The following UHRF2 variants were observed in gnomAD, a reference collection of about 807,000 sequenced individuals.
UHRF2 encodes E3 ubiquitin-protein ligase UHRF2.
A neutral mutation model predicts 96.8 loss-of-function variants in UHRF2; 23 were observed. The observed-to-expected ratio is 0.24, with a 90% CI of 0.17 to 0.34. The LOEUF is 0.34. UHRF2 is among the 10% of genes least tolerant of loss of function. The probability of loss-of-function intolerance (pLI) is 1.00; values close to 1 mark genes in which losing one functional copy is unlikely to be tolerated. For missense variants in UHRF2, 685 were observed against 981.5 expected, an observed-to-expected ratio of 0.70 and a Z score of 4.04; for synonymous variants, 385 against 332.6, an observed-to-expected ratio of 1.16 and a Z score of -1.72.
rs374989545 is a variant in UHRF2, at chr9:6,502,734, A to G, written c.2164-1859A>G. On this transcript the variant is annotated intron_variant, in intron 14 of 15. Transcript: ENST00000276893. Reference sequence around the variant, plus strand: ...GCTACCTGTAACTCAAAATACCTGTATTAGATATACCCGTATTATAGGAAC... The same window carrying G: ...GCTACCTGTAACTCAAAATACCTGTGTTAGATATACCCGTATTATAGGAAC... Among the ~76,000 whole-genome samples, 8 of 152,350 alleles carry G rather than the reference A, an allele frequency of 5.3e-5. No individual in the cohort carries two copies. The East Asian group carries it at 9.6e-4, about 18-fold the overall frequency.
At chr9:6,490,024 A>G (rs992874878) in intron 9 of UHRF2, among the ~76,000 whole-genome samples, 3 of 152,328 alleles carry the variant, frequency 2.0e-5, no homozygotes, top group Non-Finnish European at 4.4e-5. Context: ...CAGAAATACA[A>G]AAGATGTTAT....
At chr9:6,457,436 A>G (rs930546513) in intron 3 of UHRF2, among the ~76,000 whole-genome samples, 1 of 152,194 alleles carries the variant, frequency 6.6e-6, no homozygotes, top group Non-Finnish European at 1.5e-5. Flanking sequence ...TAAATATACA[A>G]TCATGTCATC....
intron 1 of UHRF2, among the ~76,000 whole-genome samples, chr9:6,420,565 C>T (rs1382762296): frequency 1.3e-5 from 2 of 151,734 alleles, no homozygotes; most frequent in Non-Finnish European, 2.9e-5. Context: ...ATTAGCCGGG[C>T]ATGATGACGG....
At chr9:6,476,035 C>T (rs1483218900) in intron 5 of UHRF2, among the ~76,000 whole-genome samples, 1 of 152,158 alleles carries the variant, frequency 6.6e-6, no homozygotes. Context: ...TCCCCTGTCC[C>T]ACTTCCCTTC....
chr9:6,492,368 A>G (rs1197706973), intron 9 of UHRF2: 1 of 1,213,854 alleles, frequency 8.2e-7, no homozygotes, highest in Non-Finnish European at 1.1e-6. Flanking sequence ...ACTGGTTTTG[A>G]TCAGTTTAAG....
At chr9:6,480,705 T>C (rs1823875044) in intron 6 of UHRF2, among the ~76,000 whole-genome samples, 1 of 152,186 alleles carries the variant, frequency 6.6e-6, no homozygotes, top group African/African-American at 2.4e-5. Flanking sequence ...AGCTTTTCTT[T>C]AGGACAGTTT....
At chr9:6,452,981 G>GT (rs773494150) in intron 3 of UHRF2, among the ~76,000 whole-genome samples, 14 of 152,004 alleles carry the variant, frequency 9.2e-5, no homozygotes, top group East Asian at 1.9e-4. Flanking sequence ...TTCCTTTTCT[G>GT]TTTTTTTGTT....
intron 9 of UHRF2, chr9:6,492,907 T>A (rs1420607724): frequency 6.7e-6 from 1 of 149,614 alleles, no homozygotes; most frequent in African/African-American, 2.5e-5. Flanking sequence ...TTTTTCCAAA[T>A]TTCTTCTTAA....
At chr9:6,418,688 G>A (rs552114550) in intron 1 of UHRF2, among the ~76,000 whole-genome samples, 1 of 152,322 alleles carries the variant, frequency 6.6e-6, no homozygotes, top group Non-Finnish European at 1.5e-5. Flanking sequence ...GAAAGTGATA[G>A]TTGTGGCCTG....
chr9:6,503,782 C>G (rs905207900), intron 14 of UHRF2, among the ~76,000 whole-genome samples: 6 of 151,682 alleles, frequency 4.0e-5, no homozygotes, highest in East Asian at 1.9e-4. Flanking sequence ...TATGTAATGA[C>G]CTTGAGACAC....
chr9:6,500,852 A>G (rs1307601993), intron 14 of UHRF2, 143 bp downstream of exon 14: 2 of 730,508 alleles, frequency 2.7e-6, no homozygotes, highest in East Asian at 2.9e-5. Flanking sequence ...CCTTTCAGAA[A>G]TAATCTGAGG....
chr9:6,497,551 G>A (rs1468581195), intron 11 of UHRF2, among the ~76,000 whole-genome samples, 191 bp downstream of exon 11: 2 of 151,550 alleles, frequency 1.3e-5, no homozygotes, highest in Non-Finnish European at 1.5e-5. Context: ...CTTATTTCGA[G>A]TTCCTAGGGG....
At chr9:6,476,409 T>G (rs1270465396) in intron 5 of UHRF2, among the ~76,000 whole-genome samples, 1 of 152,158 alleles carries the variant, frequency 6.6e-6, no homozygotes, top group Non-Finnish European at 1.5e-5. Flanking sequence ...AGCCTTAGAA[T>G]TATAGTGCTG....
At chr9:6,432,803 A>C (rs1277484461) in intron 2 of UHRF2, among the ~76,000 whole-genome samples, 1 of 150,944 alleles carries the variant, frequency 6.6e-6, no homozygotes, top group Non-Finnish European at 1.5e-5. Flanking sequence ...AGTTGAAGGA[A>C]TTTCTCTTGG....
At chr9:6,483,847 G>A (rs1274508215) in intron 8 of UHRF2, among the ~76,000 whole-genome samples, 3 of 151,936 alleles carry the variant, frequency 2.0e-5, no homozygotes, top group Non-Finnish European at 4.4e-5. Context: ...GCACCACCAC[G>A]CCTGACTAAT....
rs150284414 is a variant in UHRF2, at chr9:6,426,667, C to G, written c.384+5525C>G. Among the ~76,000 whole-genome samples, 483 of 152,264 alleles carry G rather than the reference C, an allele frequency of 3.2e-3. 4 individuals carry two copies. The highest frequency in any genetic ancestry group is 5.4e-3 in the Non-Finnish European group (370 of 68,018). ...GTTTGTAATCGGTATTCTGCCTTCACAGAATTTTTATCACATACTGACTTG... is the reference window on the plus strand; with the variant it reads ...GTTTGTAATCGGTATTCTGCCTTCAGAGAATTTTTATCACATACTGACTTG... On this transcript the variant is annotated intron_variant, in intron 2 of 15. Coordinates refer to ENST00000276893, the MANE Select transcript of UHRF2 (RefSeq NM_152896.3).
chr9:6,505,966 C>G, intron 15 of UHRF2, 67 bp from the exon 16 acceptor site: 1 of 1,547,682 alleles, frequency 6.5e-7, no homozygotes, highest in African/African-American at 1.4e-5. Flanking sequence ...TATTTAAAAG[C>G]ATAAGTTGCT....
intron 9 of UHRF2, among the ~76,000 whole-genome samples, chr9:6,487,416 G>C (rs879627886): frequency 2.6e-5 from 4 of 151,772 alleles, no homozygotes; most frequent in Admixed American, 6.6e-5. Context: ...ACCTAGACTG[G>C]AGTTCAGTGG....
At chr9:6,439,236 G>A (rs1357170781) in intron 3 of UHRF2, among the ~76,000 whole-genome samples, 1 of 152,188 alleles carries the variant, frequency 6.6e-6, no homozygotes, top group African/African-American at 2.4e-5. Flanking sequence ...TTGGGCTGGA[G>A]TGCCGTGGTG....
Sources: allele counts gnomAD v4.1 joint callset (sites outside exome capture counted in the v4.1 genomes callset), GRCh38; gene constraint gnomAD v4.1.1; transcripts MANE v1.5; gene names NCBI Gene and HGNC (gene_info 2026-07-23, HGNC 2026-07-21).